The following AUTS2 variants were observed in gnomAD, a reference collection of about 807,000 sequenced individuals.
AUTS2 encodes activator of transcription and developmental regulator AUTS2.
Under a neutral mutation model 112.4 loss-of-function variants are expected in AUTS2, and 17 were observed. That is an observed-to-expected ratio of 0.15 (90% CI 0.10 to 0.23). The LOEUF (loss-of-function observed/expected upper bound fraction) is 0.23. Among genes scored for constraint, AUTS2 ranks in the 10% least tolerant of loss-of-function variants. The pLI, the probability that AUTS2 is intolerant of heterozygous loss-of-function variation, is 1.00. For missense variants in AUTS2, 1,510 were observed against 1,701.6 expected, an observed-to-expected ratio of 0.89 and a Z score of 1.98; for synonymous variants, 751 against 702.7, an observed-to-expected ratio of 1.07 and a Z score of -1.09.
chr7:70,786,142 G>A, intron 17 of AUTS2, 104 bp downstream of exon 17: 2 of 991,514 alleles, frequency 2.0e-6, no homozygotes, highest in Non-Finnish European at 1.5e-6. Context: ...TGCTCTGGGG[G>A]GACCAGTGTA....
At position 70,764,755 on chromosome 7, in the gene AUTS2, C is replaced by CAGCAGA; in HGVS notation, c.1224_1229dup (p.Arg408_Ser409dup). 1 of 730,956 alleles carries CAGCAGA rather than the reference C, an allele frequency of 1.4e-6. No homozygotes were observed. Among genetic ancestry groups the CAGCAGA allele is most frequent in the Non-Finnish European group, 2.5e-6 (1 of 397,140 alleles). The allele number at this position is 730,956 out of a possible 1,614,324, so 45.3% of individuals were successfully genotyped here. A position where few individuals can be genotyped will look rare whatever the true frequency, so the allele number is the denominator to read the frequency against. On this transcript the variant is annotated inframe_insertion, in exon 8 of 19. Transcript: ENST00000342771. Reference sequence around the variant, plus strand: ...CTTTTTTTTCTTGTTCCGATAGCAGCAGCAGAAGCAGCACTCCAGCGAAGA... The same window carrying CAGCAGA: ...CTTTTTTTTCTTGTTCCGATAGCAGCAGCAGAAGCAGAAGCAGCACTCCAGCGAAGA...
At chr7:70,603,921 C>T (rs1438354533) in intron 5 of AUTS2, among the ~76,000 whole-genome samples, 1 of 107,256 alleles carries the variant, frequency 9.3e-6, no homozygotes, top group African/African-American at 3.7e-5. Flanking sequence ...TTTTCTGCCA[C>T]TCAAAAAATC....
chr7:70,224,681 T>G (rs1428160844), intron 4 of AUTS2, among the ~76,000 whole-genome samples: 1 of 152,236 alleles, frequency 6.6e-6, no homozygotes, highest in African/African-American at 2.4e-5. Flanking sequence ...ATTCATGCAC[T>G]GCTCACTCAC....
At chr7:70,542,725 C>G (rs1420860589) in intron 5 of AUTS2, among the ~76,000 whole-genome samples, 1 of 152,166 alleles carries the variant, frequency 6.6e-6, no homozygotes, top group Non-Finnish European at 1.5e-5. Context: ...AGATGGGGCT[C>G]AAAGAGTAGA....
intron 1 of AUTS2, among the ~76,000 whole-genome samples, chr7:69,839,014 C>T (rs567406447): frequency 2.0e-5 from 3 of 152,234 alleles, no homozygotes; most frequent in South Asian, 2.1e-4. Context: ...TCTCTGCCTC[C>T]GTACCCATTG....
intron 2 of AUTS2, among the ~76,000 whole-genome samples, chr7:69,900,570 ACAGT>A (rs1371123296): frequency 2.0e-5 from 3 of 152,198 alleles, no homozygotes; most frequent in Admixed American, 6.5e-5. Context: ...CTATTTGAAA[ACAGT>A]CAGCCTGGTT....
At chr7:70,356,612 G>A (rs370544759) in intron 4 of AUTS2, among the ~76,000 whole-genome samples, 35 of 152,238 alleles carry the variant, frequency 2.3e-4, no homozygotes, top group African/African-American at 6.5e-4. Context: ...CAACCCAGGC[G>A]GTTAAATGTG....
chr7:70,067,069 A>G (rs1003391754), intron 2 of AUTS2, among the ~76,000 whole-genome samples: 1 of 152,130 alleles, frequency 6.6e-6, no homozygotes. Context: ...GCATTTAATG[A>G]TAATCATTTC....
At chr7:70,413,104 C>T (rs750208137) in intron 4 of AUTS2, among the ~76,000 whole-genome samples, 1 of 152,220 alleles carries the variant, frequency 6.6e-6, no homozygotes, top group Non-Finnish European at 1.5e-5. Flanking sequence ...AACAGCTCCC[C>T]TTGTAGGCTC....
intron 2 of AUTS2, among the ~76,000 whole-genome samples, chr7:69,988,457 G>A (rs1798602666): frequency 1.3e-5 from 2 of 152,270 alleles, no homozygotes; most frequent in South Asian, 2.1e-4. Flanking sequence ...ATATCTGCAA[G>A]CATGGATAAC....
intron 5 of AUTS2, among the ~76,000 whole-genome samples, chr7:70,495,381 A>C (rs1299865396): frequency 6.6e-6 from 1 of 152,048 alleles, no homozygotes; most frequent in African/African-American, 2.4e-5. Flanking sequence ...TTACTTGGTC[A>C]ACCACTGCAA....
intron 5 of AUTS2, among the ~76,000 whole-genome samples, chr7:70,613,356 T>C (rs1171587429): frequency 6.6e-6 from 1 of 152,112 alleles, no homozygotes; most frequent in Non-Finnish European, 1.5e-5. Flanking sequence ...GAATATAGAA[T>C]GCTGTTTTGC....
intron 5 of AUTS2, among the ~76,000 whole-genome samples, chr7:70,691,918 T>G (rs1320922133): frequency 6.6e-6 from 1 of 151,228 alleles, no homozygotes; most frequent in Non-Finnish European, 1.5e-5. Flanking sequence ...CTCTGTTGTT[T>G]AGGCTGTAGT....
intron 2 of AUTS2, among the ~76,000 whole-genome samples, chr7:69,983,715 A>G (rs939561240): frequency 2.6e-5 from 4 of 152,222 alleles, no homozygotes; most frequent in South Asian, 2.1e-4. Context: ...GACAAAATCA[A>G]TGTTATGAAA....
intron 5 of AUTS2, among the ~76,000 whole-genome samples, chr7:70,680,115 G>A (rs949324228): frequency 6.6e-6 from 1 of 152,180 alleles, no homozygotes; most frequent in African/African-American, 2.4e-5. Context: ...TGAGAGTGGG[G>A]AGGAGGGTGG....
chr7:70,258,424 G>A (rs780895946), intron 4 of AUTS2, among the ~76,000 whole-genome samples: 11 of 152,154 alleles, frequency 7.2e-5, no homozygotes, highest in Non-Finnish European at 1.3e-4. Flanking sequence ...GCTGTTGCTC[G>A]GGAGTAGAAG....
chr7:69,992,589 G>T (rs548811273), intron 2 of AUTS2, among the ~76,000 whole-genome samples: 1 of 152,264 alleles, frequency 6.6e-6, no homozygotes, highest in South Asian at 2.1e-4. Context: ...CAGGTGTAGT[G>T]GCTCATGTCC....
rs78432855 is a variant in AUTS2 at position 70,352,841 on chromosome 7, A to G, written c.661-82911A>G. ...CCTACTTTAGGTAGGTAGGCATGGG[A>G]AATTCCTCATCGAAGAAGTGACATT... On this transcript the variant is annotated intron_variant, in intron 4 of 18. Transcript: ENST00000342771. Among the ~76,000 whole-genome samples, 834 of 152,272 alleles carry G rather than the reference A, an allele frequency of 5.5e-3. 4 individuals carry two copies. Among genetic ancestry groups the G allele is most frequent in the African/African-American group, 0.019 (780 of 41,546 alleles).
intron 4 of AUTS2, among the ~76,000 whole-genome samples, chr7:70,286,047 A>G (rs963503638): frequency 3.9e-5 from 6 of 152,230 alleles, no homozygotes; most frequent in African/African-American, 1.4e-4. Flanking sequence ...GGTGGGAGTG[A>G]TAAGTCTTTA....
Sources: gnomAD v4.1 joint callset for allele counts (sites outside exome capture counted in the v4.1 genomes callset) on GRCh38, gnomAD v4.1.1 for gene constraint, MANE v1.5 for transcripts, NCBI Gene and HGNC (gene_info 2026-07-23, HGNC 2026-07-21) for gene names.